Variants in ATRNL1 observed in about 807,000 individuals in gnomAD.
The protein encoded by ATRNL1 is attractin like 1.
ATRNL1 carries 95 observed loss-of-function variants against 182.7 expected under a neutral mutation model. The ratio of observed to expected loss-of-function variants is 0.52; its 90% CI spans 0.44 to 0.62. The LOEUF (loss-of-function observed/expected upper bound fraction) is 0.62, where lower values mean the gene tolerates loss of function less well. ATRNL1 is among the 20% of genes least tolerant of loss of function. The pLI, the probability that ATRNL1 is intolerant of heterozygous loss-of-function variation, is 0.00. For synonymous variants in ATRNL1, 576 were observed against 568.3 expected (o/e 1.01, Z -0.19); for missense variants, 1,471 against 1,679.5 (o/e 0.88, Z 2.17).
intron 10 of ATRNL1, among the ~76,000 whole-genome samples, chr10:115,256,096 C>G (rs1851118226): frequency 6.6e-6 from 1 of 152,188 alleles, no homozygotes; most frequent in South Asian, 2.1e-4. Context: ...GTCTAAAATT[C>G]TCTTTTTTTG....
intron 1 of ATRNL1, among the ~76,000 whole-genome samples, chr10:115,102,978 T>C (rs1001900977): frequency 6.6e-6 from 1 of 152,078 alleles, no homozygotes; most frequent in Admixed American, 6.6e-5. Context: ...TGGGTTTTCA[T>C]TGATTTTTTA....
chr10:115,161,938 A>G (rs1772072206), intron 6 of ATRNL1, among the ~76,000 whole-genome samples: 1 of 152,136 alleles, frequency 6.6e-6, no homozygotes. Context: ...AAGACAAATT[A>G]TTCACTAAAT....
chr10:115,293,516 A>C (rs1193945721), intron 15 of ATRNL1, among the ~76,000 whole-genome samples: 1 of 150,904 alleles, frequency 6.6e-6, no homozygotes, highest in Non-Finnish European at 1.5e-5. Flanking sequence ...ATATGGTTTT[A>C]TTTCTTTCTC....
At position 115,838,158 on chromosome 10, in the gene ATRNL1, C is replaced by G. The variant is rs547724306; in HGVS notation, c.3904-9719C>G. 1.7e-4 allele frequency among the ~76,000 whole-genome samples: 26 copies of G among 152,274 alleles called. 1 individual carries two copies. The highest frequency in any genetic ancestry group is 4.6e-4 in the Admixed American group (7 of 15,282). ...ATAATATTTGAACCCACACCCACTT[C>G]ATGTCCAGTAAAGTCATTTGGGTCT... On this transcript the variant is annotated intron_variant, in intron 27 of 28. Coordinates refer to ENST00000355044, the MANE Select transcript of ATRNL1 (RefSeq NM_207303.4).
At chr10:115,779,021 T>A (rs1949198197) in intron 27 of ATRNL1, among the ~76,000 whole-genome samples, 1 of 152,120 alleles carries the variant, frequency 6.6e-6, no homozygotes, top group Non-Finnish European at 1.5e-5. Flanking sequence ...GCCGACTAGT[T>A]TTTAGTTATA....
intron 28 of ATRNL1, among the ~76,000 whole-genome samples, chr10:115,895,469 A>G (rs1952183358): frequency 6.6e-6 from 1 of 152,196 alleles, no homozygotes; most frequent in Non-Finnish European, 1.5e-5. Flanking sequence ...GCTCCAGCAC[A>G]TTTATAATCA....
intron 19 of ATRNL1, among the ~76,000 whole-genome samples, chr10:115,377,663 C>T (rs1857752962): frequency 6.6e-6 from 1 of 152,152 alleles, no homozygotes; most frequent in South Asian, 2.1e-4. Flanking sequence ...GGAGCAAACA[C>T]CTCTTCCAGT....
chr10:115,591,362 A>G (rs1855892130), intron 26 of ATRNL1, among the ~76,000 whole-genome samples: 1 of 152,108 alleles, frequency 6.6e-6, no homozygotes, highest in African/African-American at 2.4e-5. Flanking sequence ...ATATAGGGTA[A>G]TTGGCACATG....
intron 18 of ATRNL1, among the ~76,000 whole-genome samples, chr10:115,330,672 C>CT (rs200104323): frequency 0.031 from 3,172 of 101,378 alleles, 89 homozygotes; most frequent in African/African-American, 0.034. Flanking sequence ...GTGTTATTTG[C>CT]TTTTTTTTTT....
chr10:115,512,928 A>C (rs1171162038), intron 24 of ATRNL1, among the ~76,000 whole-genome samples: 1 of 151,924 alleles, frequency 6.6e-6, no homozygotes, highest in Non-Finnish European at 1.5e-5. Context: ...CTTTTCCTAG[A>C]AACCAGGCTT....
intron 13 of ATRNL1, among the ~76,000 whole-genome samples, chr10:115,272,549 T>C (rs1851914449): frequency 6.6e-6 from 1 of 152,148 alleles, no homozygotes; most frequent in Admixed American, 6.6e-5. Context: ...GTCACAGGAA[T>C]AGGAAGAAAA....
At chr10:115,765,300 T>A (rs2960699) in intron 27 of ATRNL1, among the ~76,000 whole-genome samples, 144,687 of 152,262 alleles carry the variant, frequency 0.95, 69,161 homozygotes, top group East Asian at 1. Context: ...GAATGAGAAT[T>A]CCTGTTGTTT....
At chr10:115,828,963 A>G (rs1175360330) in intron 27 of ATRNL1, among the ~76,000 whole-genome samples, 2 of 152,186 alleles carry the variant, frequency 1.3e-5, no homozygotes, top group Admixed American at 6.5e-5. Context: ...CTACATGCTG[A>G]TAGCATTTTT....
chr10:115,379,882 A>G (rs527448691), intron 19 of ATRNL1, among the ~76,000 whole-genome samples: 104 of 152,314 alleles, frequency 6.8e-4, no homozygotes, highest in Non-Finnish European at 1.3e-3. Flanking sequence ...GCTGGAATGC[A>G]GTGGCGTGAT....
chr10:115,311,727 G>A (rs1554927885), intron 17 of ATRNL1, among the ~76,000 whole-genome samples: 1 of 152,094 alleles, frequency 6.6e-6, no homozygotes, highest in African/African-American at 2.4e-5. Context: ...CCATTATTGT[G>A]CTGCTGTCTA....
At chr10:115,492,479 G>T (rs1203745790) in intron 24 of ATRNL1, among the ~76,000 whole-genome samples, 1 of 149,832 alleles carries the variant, frequency 6.7e-6, no homozygotes, top group Non-Finnish European at 1.5e-5. Context: ...TCCTTTTTTG[G>T]CTTTCTATTA....
intron 13 of ATRNL1, among the ~76,000 whole-genome samples, chr10:115,279,533 T>A (rs1229520813): frequency 6.6e-6 from 1 of 152,164 alleles, no homozygotes; most frequent in Non-Finnish European, 1.5e-5. Context: ...AAAGCAACCA[T>A]GTTATCTAAA....
At chr10:115,598,471 C>G (rs1397995483) in intron 26 of ATRNL1, among the ~76,000 whole-genome samples, 1 of 151,504 alleles carries the variant, frequency 6.6e-6, no homozygotes, top group African/African-American at 2.4e-5. Context: ...TGAAGCAATT[C>G]TCCTGCCTCA....
rs12253379 is a variant in ATRNL1 at position 115,650,558 on chromosome 10, C to T, written c.3796-76690C>T. On this transcript the variant is annotated intron_variant, in intron 26 of 28. Transcript: ENST00000355044. ...AGTAACTTCCAGTGGAACGCACACACACATGCACACAGATACGTTTGAATA... is the reference window on the plus strand; with the variant it reads ...AGTAACTTCCAGTGGAACGCACACATACATGCACACAGATACGTTTGAATA... 9.5e-3 allele frequency among the ~76,000 whole-genome samples: 1,447 copies of T among 152,146 alleles called. 27 individuals are homozygous for T. Among genetic ancestry groups the T allele is most frequent in the African/African-American group, 0.033 (1,368 of 41,504 alleles).
Sources: gnomAD v4.1 joint callset for allele counts (sites outside exome capture counted in the v4.1 genomes callset) on GRCh38, gnomAD v4.1.1 for gene constraint, MANE v1.5 for transcripts, NCBI Gene and HGNC (gene_info 2026-07-23, HGNC 2026-07-21) for gene names.